TMPRSS13: variants seen among roughly 807,000 people sequenced by gnomAD.
TMPRSS13 encodes transmembrane serine protease 13.
TMPRSS13 carries 50 observed loss-of-function variants against 68.4 expected under a neutral mutation model. The observed-to-expected ratio is 0.73, with a 90% CI of 0.58 to 0.93. The LOEUF (loss-of-function observed/expected upper bound fraction) is 0.93, where lower values mean the gene tolerates loss of function less well. TMPRSS13 is among the 40% of genes least tolerant of loss of function. The pLI is 0.00. For missense variants in TMPRSS13, 615 were observed against 729.2 expected, an observed-to-expected ratio of 0.84 and a Z score of 1.80; for synonymous variants, 267 against 285.8, an observed-to-expected ratio of 0.93 and a Z score of 0.66.
Position 117,913,915 on chromosome 11 carries a change from C to T in TMPRSS13, c.680-9G>A, listed in dbSNP as rs1377726410. On this transcript the variant is annotated splice_polypyrimidine_tract_variant and intron_variant, in intron 4 of 12. Coordinates refer to ENST00000524993, the MANE Select transcript of TMPRSS13 (RefSeq NM_001077263.3). ...GTCCCAGTCAAACCTCACTGCAGGGCAAGAAAAAGGCAGAGCAGGTCCTCA... is the reference window on the plus strand; with the variant it reads ...GTCCCAGTCAAACCTCACTGCAGGGTAAGAAAAAGGCAGAGCAGGTCCTCA... 6.2e-7 allele frequency: 1 copy of T among 1,612,530 alleles called. No individual in the cohort carries two copies. Among genetic ancestry groups the T allele is most frequent in the Admixed American group, 1.7e-5 (1 of 59,894 alleles).
In TMPRSS13 at chr11:117,910,800, T is replaced by G. The variant is rs1165959772; in HGVS notation, c.903-50A>C. The G allele has an allele frequency of 2.6e-6, 4 of 1,543,422 alleles. No homozygotes were observed. The African/African-American group carries it at 5.5e-5, about 21-fold the overall frequency. On this transcript the variant is annotated intron_variant, in intron 6 of 12. Coordinates refer to ENST00000524993, the MANE Select transcript of TMPRSS13 (RefSeq NM_001077263.3). ...GGAAAAGGGCACATTAGCTACCTCC[T>G]CCAGGAAGCCTTCCTGATTGACTCC...
At chr11:117,918,928 T>G in intron 1 of TMPRSS13, 90 bp from the exon 2 acceptor site, 2 of 1,549,070 alleles carry the variant, frequency 1.3e-6, no homozygotes, top group Non-Finnish European at 1.7e-6. Flanking sequence ...ATGAATGCTC[T>G]GGGGCAGCAG....
chr11:117,902,712 C>A lies in TMPRSS13; in HGVS notation c.1678-447G>T, dbSNP rs547817842. ...TCATCCCTGGGAGAGGAGAGTGGCA[C>A]TGGGGCTGGCACCGAGGTGAGGCCC... On this transcript the variant is annotated intron_variant, in intron 12 of 12. Transcript: ENST00000524993. 2.2e-4 allele frequency among the ~76,000 whole-genome samples: 33 copies of A among 152,364 alleles called. No homozygotes were observed. In the South Asian group the frequency reaches 6.6e-3, roughly 31 times the overall value.
chr11:117,926,371 A>G (rs1161459777), intron 1 of TMPRSS13, among the ~76,000 whole-genome samples: 1 of 152,030 alleles, frequency 6.6e-6, no homozygotes, highest in Non-Finnish European at 1.5e-5. Context: ...GAGTGACTTG[A>G]CCCGCGGGTG....
rs1211774833 is a variant in TMPRSS13, at chr11:117,922,679, T to C, written c.22-3841A>G. Among the ~76,000 whole-genome samples the C allele has an allele frequency of 6.6e-6, 1 of 152,194 alleles. No individual in the cohort carries two copies. Among genetic ancestry groups the C allele is most frequent in the East Asian group, 1.9e-4 (1 of 5,184 alleles). On this transcript the variant is annotated intron_variant, in intron 1 of 12. Transcript: ENST00000524993. The surrounding 1 kb of genome is among the most constrained non-coding windows in gnomAD (Gnocchi z 4.2). The stretch of plus-strand genomic sequence containing the variant: ...GATGTGTCCTGGTGTCTCCACAACC[T>C]GCCTGCAGACCAAAGGCTTCTCAGC...
chr11:117,925,424 T>C (rs55720349), intron 1 of TMPRSS13, among the ~76,000 whole-genome samples: 11,649 of 152,152 alleles, frequency 0.077, 605 homozygotes, highest in East Asian at 0.2. Context: ...TTCATTCATT[T>C]ATCAAATGCT....
chr11:117,902,384 C>T, intron 12 of TMPRSS13, 119 bp from the exon 13 acceptor site: 1 of 1,061,410 alleles, frequency 9.4e-7, no homozygotes, highest in South Asian at 1.3e-5. Context: ...CACTGCCTCT[C>T]CAAGGAGGGA....
At chr11:117,903,173 A>C (rs1410187297) in intron 12 of TMPRSS13, 6 of 1,382,510 alleles carry the variant, frequency 4.3e-6, no homozygotes, top group Non-Finnish European at 5.6e-6. Flanking sequence ...GAAAGTTGTC[A>C]GAGTTAAAAT....
chr11:117,908,561 G>A lies in TMPRSS13; in HGVS notation c.1282+51C>T, dbSNP rs1474919980. 9.1e-6 allele frequency: 14 copies of A among 1,539,010 alleles called. No individual in the cohort carries two copies. In the South Asian group the frequency reaches 1.3e-4, roughly 14 times the overall value. On this transcript the variant is annotated intron_variant, in intron 9 of 12. Transcript: ENST00000524993. Reference sequence around the variant, plus strand: ...GATGCTGACAAGTGCGAGGGCTGCAGAGGGTGCTGGGGCTGGGGGGCAGGA... The same window carrying A: ...GATGCTGACAAGTGCGAGGGCTGCAAAGGGTGCTGGGGCTGGGGGGCAGGA...
rs112595773 is a variant in TMPRSS13 at position 117,901,679 on chromosome 11, C to G, written c.*560G>C. 8.8e-3 allele frequency: 1,395 copies of G among 157,706 alleles called. 20 individuals carry two copies. Among genetic ancestry groups the G allele is most frequent in the Middle Eastern group, 0.013 (4 of 300 alleles). 9.8% of individuals were successfully genotyped at this position (157,706 alleles called of 1,614,324 possible). ...CCTGGTTAGCCACAGCACAGTCCGACTGGTGACATCCACGGCACCAGCAGG... is the reference window on the plus strand; with the variant it reads ...CCTGGTTAGCCACAGCACAGTCCGAGTGGTGACATCCACGGCACCAGCAGG... On this transcript the variant is annotated 3_prime_UTR_variant, in exon 13 of 13. Transcript: ENST00000524993.
intron 1 of TMPRSS13, among the ~76,000 whole-genome samples, chr11:117,927,913 C>A (rs1361296517): frequency 2.6e-5 from 4 of 152,168 alleles, no homozygotes; most frequent in Non-Finnish European, 5.9e-5. Flanking sequence ...TTGGGAGTTC[C>A]TCAAAGAAGT....
intron 9 of TMPRSS13, 115 bp downstream of exon 9, chr11:117,908,497 T>C: frequency 3.5e-6 from 4 of 1,145,672 alleles, no homozygotes; most frequent in Non-Finnish European, 5.0e-6. Context: ...CTTTGACTTC[T>C]GCCCTGCAGA....
intron 10 of TMPRSS13, among the ~76,000 whole-genome samples, chr11:117,904,500 C>T (rs1241457656): frequency 6.6e-6 from 1 of 152,044 alleles, no homozygotes; most frequent in Non-Finnish European, 1.5e-5. Context: ...GGTGGGGAGG[C>T]CTGGTGCTGG....
At position 117,911,755 on chromosome 11, in the gene TMPRSS13, T is replaced by A. The variant is rs1292486395; in HGVS notation, c.902+13A>T. 6.2e-7 allele frequency: 1 copy of A among 1,611,742 alleles called. No homozygotes were observed. Among genetic ancestry groups the A allele is most frequent in the Non-Finnish European group, 8.5e-7 (1 of 1,178,238 alleles). Reference sequence around the variant, plus strand: ...CCTGCTCACAAACAGGCAGCCTGCCTGCCCCACCATACCTGTGGAGGCTTT... The same window carrying A: ...CCTGCTCACAAACAGGCAGCCTGCCAGCCCCACCATACCTGTGGAGGCTTT... On this transcript the variant is annotated intron_variant, in intron 6 of 12. Coordinates refer to ENST00000524993, the MANE Select transcript of TMPRSS13 (RefSeq NM_001077263.3).
chr11:117,928,578 A>G (rs958149504), intron 1 of TMPRSS13, among the ~76,000 whole-genome samples: 39 of 152,330 alleles, frequency 2.6e-4, no homozygotes, highest in African/African-American at 7.9e-4. Context: ...GGAGGAAAAG[A>G]AAGTGGAGGC....
At chr11:117,906,378 A>T (rs2057465226) in intron 9 of TMPRSS13, among the ~76,000 whole-genome samples, 2 of 152,200 alleles carry the variant, frequency 1.3e-5, no homozygotes, top group Admixed American at 1.3e-4. Context: ...AGCTCTGAGG[A>T]CTGGTGTCCC....
chr11:117,903,833 C>T (rs768055128), intron 11 of TMPRSS13, 26 bp from the exon 12 acceptor site: 3 of 1,605,768 alleles, frequency 1.9e-6, no homozygotes, highest in Non-Finnish European at 2.6e-6. Context: ...GGCACATTCG[C>T]AGGATGGGAC....
chr11:117,918,919 T>C (rs1387889285), intron 1 of TMPRSS13, 81 bp from the exon 2 acceptor site: 1 of 1,571,316 alleles, frequency 6.4e-7, no homozygotes, highest in Non-Finnish European at 8.6e-7. Context: ...CACTAGGAGA[T>C]GAATGCTCTG....
At chr11:117,903,141 G>T in intron 12 of TMPRSS13, 1 of 1,335,768 alleles carries the variant, frequency 7.5e-7, no homozygotes, top group Non-Finnish European at 9.6e-7. Flanking sequence ...TAGTTCTCAG[G>T]GAGCATTCTG....
Sources: gnomAD v4.1 joint callset for allele counts (sites outside exome capture counted in the v4.1 genomes callset) on GRCh38, gnomAD v4.1.1 for gene constraint, Gnocchi (gnomAD v3.1) non-coding constraint, MANE v1.5 for transcripts, NCBI Gene and HGNC (gene_info 2026-07-23, HGNC 2026-07-21) for gene names.